The following PDSS2 variants were observed in gnomAD, a reference collection of about 807,000 sequenced individuals.
PDSS2 encodes all trans-polyprenyl-diphosphate synthase PDSS2.
Under a neutral mutation model 44.5 loss-of-function variants are expected in PDSS2, and 31 were observed. That is an observed-to-expected ratio of 0.70 (90% CI 0.52 to 0.94). The LOEUF is 0.94. Ranked by LOEUF, PDSS2 falls within the 40% of genes least tolerant of loss-of-function variation. The pLI is 0.00. For missense variants in PDSS2, 452 were observed against 482.2 expected (o/e 0.94, Z 0.59); for synonymous variants, 157 against 180.3 (o/e 0.87, Z 1.03).
In PDSS2 at chr6:107,375,982, C is replaced by G. The variant is rs1779273945; in HGVS notation, c.297-41650G>C. On this transcript the variant is annotated intron_variant, in intron 1 of 7. Coordinates refer to ENST00000369037, the MANE Select transcript of PDSS2 (RefSeq NM_020381.4). The stretch of plus-strand genomic sequence containing the variant: ...TCCATTTATGATAAAAGACAGTACA[C>G]TAGCCAGTTTTCAGAGCACCATTTA... Among the ~76,000 whole-genome samples the G allele has an allele frequency of 3.3e-5, 5 of 152,200 alleles. No homozygotes were observed. The South Asian group carries it at 1.0e-3, about 32-fold the overall frequency.
chr6:107,208,801 T>C (rs1773100272), intron 6 of PDSS2, among the ~76,000 whole-genome samples: 1 of 151,990 alleles, frequency 6.6e-6, no homozygotes, highest in South Asian at 2.1e-4. Flanking sequence ...CCTCAGGCGA[T>C]CCACTTGCCT....
chr6:107,402,236 C>T (rs1249765235), intron 1 of PDSS2, among the ~76,000 whole-genome samples: 7 of 150,270 alleles, frequency 4.7e-5, no homozygotes, highest in African/African-American at 1.5e-4. Flanking sequence ...GCCGAGATTG[C>T]GCCATTACAC....
At chr6:107,359,548 C>T (rs1339552451) in intron 1 of PDSS2, among the ~76,000 whole-genome samples, 2 of 150,832 alleles carry the variant, frequency 1.3e-5, no homozygotes, top group African/African-American at 2.4e-5. Context: ...TGCTTGGGCC[C>T]GGGAAGCGGA....
At chr6:107,329,638 C>G (rs568083085) in intron 2 of PDSS2, among the ~76,000 whole-genome samples, 42 of 152,262 alleles carry the variant, frequency 2.8e-4, no homozygotes, top group Admixed American at 9.8e-4. Context: ...AATAAGGTCA[C>G]ATTGTGAGGT....
chr6:107,348,127 G>C (rs988533101), intron 1 of PDSS2, among the ~76,000 whole-genome samples: 4 of 152,122 alleles, frequency 2.6e-5, no homozygotes, highest in African/African-American at 9.7e-5. Flanking sequence ...CTATCTTTTC[G>C]ACTGACTTTT....
intron 3 of PDSS2, among the ~76,000 whole-genome samples, chr6:107,270,407 T>C (rs1237221800): frequency 6.6e-6 from 1 of 151,982 alleles, no homozygotes; most frequent in East Asian, 1.9e-4. Flanking sequence ...CCACCGTGCC[T>C]GGCCTGAAGT....
Position 107,176,425 on chromosome 6 carries a change from CACAT to C in PDSS2, c.1041+17393_1041+17396del, listed in dbSNP as rs1243153803. Among the ~76,000 whole-genome samples, 116 of 64,292 alleles carry C rather than the reference CACAT, an allele frequency of 1.8e-3. 1 individual carries two copies. The highest frequency in any genetic ancestry group is 7.2e-3 in the South Asian group (11 of 1,532). The allele number at this position is 64,292 out of a possible 152,430, so 42.2% of individuals were successfully genotyped here. On this transcript the variant is annotated intron_variant, in intron 7 of 7. Coordinates refer to ENST00000369037, the MANE Select transcript of PDSS2 (RefSeq NM_020381.4). Reference sequence around the variant, plus strand: ...TCTATTCCCCCTTAACACACACACACACATACACACACACACACACACACACACA... The same window carrying C: ...TCTATTCCCCCTTAACACACACACACACACACACACACACACACACACACA...
chr6:107,223,753 T>G, intron 4 of PDSS2, among the ~76,000 whole-genome samples: 1 of 145,174 alleles, frequency 6.9e-6, no homozygotes, highest in South Asian at 2.4e-4. Context: ...GACATCTATG[T>G]ACCCGCCCCC....
intron 2 of PDSS2, among the ~76,000 whole-genome samples, chr6:107,320,792 G>A (rs1484498273): frequency 6.6e-6 from 1 of 152,190 alleles, no homozygotes; most frequent in East Asian, 1.9e-4. Flanking sequence ...CCACCATAGT[G>A]CTGGGGCTTT....
At chr6:107,422,458 A>G (rs1427033459) in intron 1 of PDSS2, among the ~76,000 whole-genome samples, 1 of 151,820 alleles carries the variant, frequency 6.6e-6, no homozygotes, top group Non-Finnish European at 1.5e-5. Context: ...CAAAAAGTCA[A>G]TATTTAGGAA....
chr6:107,375,688 C>G (rs992114216), intron 1 of PDSS2, among the ~76,000 whole-genome samples: 1 of 152,156 alleles, frequency 6.6e-6, no homozygotes, highest in Non-Finnish European at 1.5e-5. Flanking sequence ...ATACTAAAAC[C>G]AGACAATGAC....
chr6:107,381,816 T>C (rs768315924), intron 1 of PDSS2, among the ~76,000 whole-genome samples: 1 of 152,228 alleles, frequency 6.6e-6, no homozygotes, highest in Non-Finnish European at 1.5e-5. Flanking sequence ...ATTTGTAATG[T>C]GCAAGTCAAT....
chr6:107,264,279 T>C (rs1775340468), intron 3 of PDSS2: 6 of 1,383,236 alleles, frequency 4.3e-6, no homozygotes, highest in Non-Finnish European at 9.4e-7. Flanking sequence ...AATACTTCAT[T>C]TTAAACAACA....
rs75130706 is a variant in PDSS2, at chr6:107,446,412, A to C, written c.296+12578T>G. On this transcript the variant is annotated intron_variant, in intron 1 of 7. Transcript: ENST00000369037. ...CCTTCACCCAATGGTGAAATCATGT[A>C]ATAGCTATAGAACACTAAAACCAAA... 8.9e-3 allele frequency among the ~76,000 whole-genome samples: 1,351 copies of C among 152,342 alleles called. 51 individuals carry two copies. In the East Asian group the frequency reaches 0.12, roughly 13 times the overall value.
intron 1 of PDSS2, among the ~76,000 whole-genome samples, chr6:107,408,125 T>A (rs891669582): frequency 6.6e-6 from 1 of 152,018 alleles, no homozygotes; most frequent in East Asian, 1.9e-4. Context: ...TCTCCTGGGT[T>A]CAAATGATTC....
chr6:107,373,323 C>T (rs1340537995), intron 1 of PDSS2, among the ~76,000 whole-genome samples: 1 of 152,152 alleles, frequency 6.6e-6, no homozygotes, highest in Non-Finnish European at 1.5e-5. Flanking sequence ...TACTGAATAA[C>T]TTCTTAGTCT....
chr6:107,314,889 C>T (rs1048099940), intron 2 of PDSS2, among the ~76,000 whole-genome samples: 1 of 152,174 alleles, frequency 6.6e-6, no homozygotes, highest in Non-Finnish European at 1.5e-5. Flanking sequence ...GGAACAAAGG[C>T]AGACTGTTTG....
At chr6:107,255,460 G>T (rs561616187) in intron 3 of PDSS2, among the ~76,000 whole-genome samples, 47 of 152,138 alleles carry the variant, frequency 3.1e-4, no homozygotes, top group Non-Finnish European at 5.3e-4. Flanking sequence ...CCAAAGTGCT[G>T]GGATTACAGG....
intron 2 of PDSS2, among the ~76,000 whole-genome samples, chr6:107,313,241 A>G (rs1346452662): frequency 2.0e-5 from 3 of 152,236 alleles, no homozygotes; most frequent in Admixed American, 2.0e-4. Context: ...CCTTGTTCAG[A>G]AGTTCAGAAT....
Sources: allele counts gnomAD v4.1 joint callset (sites outside exome capture counted in the v4.1 genomes callset), GRCh38; gene constraint gnomAD v4.1.1; transcripts MANE v1.5; gene names NCBI Gene and HGNC (gene_info 2026-07-23, HGNC 2026-07-21).